The following DTNB variants were observed in gnomAD, a reference collection of about 807,000 sequenced individuals.
The protein encoded by DTNB is DTN-B.
DTNB carries 63 observed loss-of-function variants against 90.7 expected under a neutral mutation model. The ratio of observed to expected loss-of-function variants is 0.69; its 90% CI spans 0.57 to 0.86. DTNB has a LOEUF of 0.86. DTNB is among the 40% of genes least tolerant of loss of function. The pLI, the probability that DTNB is intolerant of heterozygous loss-of-function variation, is 0.00. For missense variants in DTNB, 744 were observed against 807.1 expected (o/e 0.92, Z 0.95); for synonymous variants, 277 against 286.7 (o/e 0.97, Z 0.34).
chr2:25,645,223 A>G (rs1454239733), intron 2 of DTNB, among the ~76,000 whole-genome samples: 1 of 151,852 alleles, frequency 6.6e-6, no homozygotes, highest in East Asian at 1.9e-4. Context: ...TCACTACTAG[A>G]AATACAAAAA....
At chr2:25,630,418 A>G (rs1272656065) in intron 3 of DTNB, among the ~76,000 whole-genome samples, 2 of 152,276 alleles carry the variant, frequency 1.3e-5, no homozygotes, top group African/African-American at 2.4e-5. Flanking sequence ...AAAATCTTGT[A>G]CAAATGTTCA....
chr2:25,461,656 T>G (rs191461601), intron 10 of DTNB, among the ~76,000 whole-genome samples: 1 of 152,244 alleles, frequency 6.6e-6, no homozygotes, highest in East Asian at 1.9e-4. Flanking sequence ...ATTGAGCACC[T>G]GAAACAATGT....
At chr2:25,616,793 G>A (rs1447460594) in intron 4 of DTNB, among the ~76,000 whole-genome samples, 2 of 151,452 alleles carry the variant, frequency 1.3e-5, no homozygotes, top group Admixed American at 6.6e-5. Context: ...TTAGCCGGGC[G>A]TGGTGGCAGG....
At chr2:25,452,809 T>G (rs756916987) in intron 11 of DTNB, among the ~76,000 whole-genome samples, 30 of 151,790 alleles carry the variant, frequency 2.0e-4, no homozygotes, top group Non-Finnish European at 2.2e-4. Flanking sequence ...CTTCTGGGAT[T>G]TTTTTTTAAG....
intron 19 of DTNB, among the ~76,000 whole-genome samples, chr2:25,382,896 G>A (rs2038281349): frequency 6.6e-6 from 1 of 152,126 alleles, no homozygotes; most frequent in South Asian, 2.1e-4. Flanking sequence ...TGGGTAAAAT[G>A]GGGATATTCG....
intron 12 of DTNB, among the ~76,000 whole-genome samples, chr2:25,438,413 C>A (rs2056534913): frequency 6.6e-6 from 1 of 152,232 alleles, no homozygotes; most frequent in African/African-American, 2.4e-5. Flanking sequence ...AGCCCACAGG[C>A]CATGGGTTGG....
intron 10 of DTNB, among the ~76,000 whole-genome samples, chr2:25,471,713 T>C (rs1309973334): frequency 6.6e-6 from 1 of 152,114 alleles, no homozygotes; most frequent in East Asian, 1.9e-4. Context: ...GCATCAAAAA[T>C]CTTTACCAAA....
At chr2:25,460,823 T>C (rs1262305492) in intron 10 of DTNB, among the ~76,000 whole-genome samples, 1 of 152,048 alleles carries the variant, frequency 6.6e-6, no homozygotes, top group East Asian at 1.9e-4. Context: ...AGATAACCCT[T>C]TAAAGAAGTT....
intron 6 of DTNB, chr2:25,594,880 A>G (rs1234035800): frequency 6.6e-6 from 1 of 152,240 alleles, no homozygotes; most frequent in Admixed American, 6.5e-5. Context: ...CATTGACATA[A>G]TACTATGATC....
chr2:25,423,091 G>A (rs113337045), intron 15 of DTNB, among the ~76,000 whole-genome samples: 255 of 152,268 alleles, frequency 1.7e-3, no homozygotes, highest in Non-Finnish European at 2.8e-3. Flanking sequence ...TCAGGAGACT[G>A]AGGCAGGAGG....
At chr2:25,384,000 C>A in intron 18 of DTNB, 111 bp from the exon 19 acceptor site, 1 of 1,583,330 alleles carries the variant, frequency 6.3e-7, no homozygotes, top group Non-Finnish European at 8.6e-7. Context: ...GCTAACAGCT[C>A]CTGGCTGCAG....
At chr2:25,537,218 A>C (rs2080039055) in intron 8 of DTNB, among the ~76,000 whole-genome samples, 1 of 152,138 alleles carries the variant, frequency 6.6e-6, no homozygotes, top group Non-Finnish European at 1.5e-5. Context: ...GAGGATTACA[A>C]GTAGATGCAA....
chr2:25,512,027 G>A (rs2150697842), intron 9 of DTNB, among the ~76,000 whole-genome samples: 1 of 152,222 alleles, frequency 6.6e-6, no homozygotes, highest in East Asian at 1.9e-4. Flanking sequence ...TTAAATTCAT[G>A]CTTGGAGCCA....
intron 10 of DTNB, among the ~76,000 whole-genome samples, chr2:25,467,524 G>A (rs2062022883): frequency 6.6e-6 from 1 of 151,912 alleles, no homozygotes; most frequent in Non-Finnish European, 1.5e-5. Context: ...TACTGGTCTT[G>A]AACTCCTAGC....
At chr2:25,620,462 AACAC>A in intron 4 of DTNB, among the ~76,000 whole-genome samples, 1 of 152,354 alleles carries the variant, frequency 6.6e-6, no homozygotes, top group Non-Finnish European at 1.5e-5. Context: ...AGGAAAAAGA[AACAC>A]ACTCAGAATA....
At chr2:25,487,360 T>C (rs568663438) in intron 9 of DTNB, among the ~76,000 whole-genome samples, 1 of 152,360 alleles carries the variant, frequency 6.6e-6, no homozygotes, top group Non-Finnish European at 1.5e-5. Flanking sequence ...ACTGAATCCT[T>C]GCAAAGGACG....
chr2:25,652,095 T>C (rs937851608), intron 2 of DTNB, among the ~76,000 whole-genome samples: 1 of 152,204 alleles, frequency 6.6e-6, no homozygotes, highest in Non-Finnish European at 1.5e-5. Flanking sequence ...TTCTCTCTGT[T>C]TGAACTGTAT....
intron 4 of DTNB, among the ~76,000 whole-genome samples, chr2:25,615,201 G>C (rs988170120): frequency 6.6e-6 from 1 of 152,130 alleles, no homozygotes; most frequent in African/African-American, 2.4e-5. Flanking sequence ...TGTGTTTTAC[G>C]GGAAGGGGCA....
intron 4 of DTNB, among the ~76,000 whole-genome samples, chr2:25,624,622 C>A (rs1291989996): frequency 6.6e-6 from 1 of 152,146 alleles, no homozygotes; most frequent in Non-Finnish European, 1.5e-5. Flanking sequence ...CTTTTTACAG[C>A]TAAAGACACT....
Sources: allele counts gnomAD v4.1 joint callset (sites outside exome capture counted in the v4.1 genomes callset), GRCh38; gene constraint gnomAD v4.1.1; transcripts MANE v1.5; gene names NCBI Gene and HGNC (gene_info 2026-07-23, HGNC 2026-07-21).